Variants in GABRB1 observed in about 807,000 individuals in gnomAD.
GABRB1 encodes gamma-aminobutyric acid receptor subunit beta-1.
In GABRB1, 17 loss-of-function variants were observed where a neutral mutation model predicts 51.6. The observed-to-expected ratio is 0.33, with a 90% confidence interval of 0.23 to 0.49. GABRB1 has a LOEUF of 0.49. Among genes scored for constraint, GABRB1 ranks in the 20% least tolerant of loss-of-function variants. The pLI is 0.99. For synonymous variants in GABRB1, 247 were observed against 218.9 expected, an observed-to-expected ratio of 1.13 and a Z score of -1.14; for missense variants, 410 against 600.6, an observed-to-expected ratio of 0.68 and a Z score of 3.32.
intron 5 of GABRB1, among the ~76,000 whole-genome samples, chr4:47,341,709 G>A (rs1451733732): frequency 6.6e-6 from 1 of 151,998 alleles, no homozygotes; most frequent in East Asian, 1.9e-4. Context: ...TGTTTTTCTG[G>A]CTTAAATTCT....
intron 4 of GABRB1, among the ~76,000 whole-genome samples, chr4:47,212,289 C>T (rs1720388691): frequency 6.6e-6 from 1 of 152,126 alleles, no homozygotes; most frequent in Admixed American, 6.5e-5. Context: ...GTAGCCACAG[C>T]GGGAGGCCAC....
At chr4:47,206,314 G>T (rs1254343195) in intron 4 of GABRB1, among the ~76,000 whole-genome samples, 1 of 151,960 alleles carries the variant, frequency 6.6e-6, no homozygotes, top group Non-Finnish European at 1.5e-5. Context: ...AATAATCCTA[G>T]GAAGGAATGC....
intron 5 of GABRB1, among the ~76,000 whole-genome samples, chr4:47,350,302 G>C (rs1331553046): frequency 6.8e-6 from 1 of 147,126 alleles, no homozygotes; most frequent in Non-Finnish European, 1.5e-5. Flanking sequence ...GAGAGAGAGA[G>C]CTGGCTTTTC....
At chr4:47,313,000 A>G (rs996281602) in intron 4 of GABRB1, among the ~76,000 whole-genome samples, 5 of 152,198 alleles carry the variant, frequency 3.3e-5, no homozygotes, top group Admixed American at 1.3e-4. Flanking sequence ...CCTAAGGCCA[A>G]TGACCATGCA....
upstream of GABRB1, among the ~76,000 whole-genome samples, chr4:47,029,465 CCTT>C (rs921389178): frequency 2.0e-4 from 30 of 148,818 alleles, no homozygotes; most frequent in African/African-American, 7.1e-4. Flanking sequence ...TTTATACAAA[CCTT>C]CTGATGGTTA....
chr4:47,293,467 C>T (rs1039740624), intron 4 of GABRB1, among the ~76,000 whole-genome samples: 2 of 152,110 alleles, frequency 1.3e-5, no homozygotes, highest in Non-Finnish European at 2.9e-5. Flanking sequence ...TTAACAACTT[C>T]TCATGTGCAA....
At chr4:47,388,805 C>G (rs1727886648) in intron 5 of GABRB1, among the ~76,000 whole-genome samples, 2 of 151,766 alleles carry the variant, frequency 1.3e-5, no homozygotes, top group African/African-American at 4.8e-5. Flanking sequence ...GGACCAGAGC[C>G]TGGAGAATAA....
intron 5 of GABRB1, among the ~76,000 whole-genome samples, chr4:47,343,799 C>G (rs6833189): frequency 0.38 from 57,593 of 152,068 alleles, 11,016 homozygotes; most frequent in South Asian, 0.47. Context: ...ACCTGTACCA[C>G]GTATTCATAT....
rs193147605 is a variant in GABRB1, at chr4:47,416,909, A to G, written c.1081-8765A>G. On this transcript the variant is annotated intron_variant, in intron 8 of 8. Coordinates refer to ENST00000295454, the MANE Select transcript of GABRB1 (RefSeq NM_000812.4). ...TAAGATGCAAGAGGTGATGGTGGAA[A>G]GAACAAGGCATGGAATATACCTGCT... Among the ~76,000 whole-genome samples, 7 of 152,368 alleles carry G rather than the reference A, an allele frequency of 4.6e-5. No individual in the cohort carries two copies. The East Asian group carries it at 1.3e-3, about 29-fold the overall frequency.
At chr4:47,137,101 T>C (rs1431581022) in intron 3 of GABRB1, among the ~76,000 whole-genome samples, 2 of 152,070 alleles carry the variant, frequency 1.3e-5, no homozygotes, top group Non-Finnish European at 2.9e-5. Context: ...AGTCCTGCGC[T>C]AAAAAATGGC....
intron 3 of GABRB1, among the ~76,000 whole-genome samples, chr4:47,127,197 A>G (rs2109664655): frequency 6.6e-6 from 1 of 151,964 alleles, no homozygotes; most frequent in East Asian, 1.9e-4. Flanking sequence ...AATAATGAGA[A>G]TAGTAGACTG....
intron 5 of GABRB1, among the ~76,000 whole-genome samples, chr4:47,401,062 T>C (rs1728366225): frequency 6.6e-6 from 1 of 151,908 alleles, no homozygotes; most frequent in African/African-American, 2.4e-5. Context: ...CCATGGTGTA[T>C]ATATATGCCA....
intron 4 of GABRB1, among the ~76,000 whole-genome samples, chr4:47,199,362 C>A (rs979579163): frequency 3.3e-5 from 5 of 152,066 alleles, no homozygotes; most frequent in Non-Finnish European, 7.4e-5. Context: ...CACACAGAGG[C>A]CTTTTTGAAT....
At chr4:47,248,895 C>A (rs894734117) in intron 4 of GABRB1, among the ~76,000 whole-genome samples, 10 of 152,002 alleles carry the variant, frequency 6.6e-5, no homozygotes. Context: ...GATTTTCTCT[C>A]TTCCTTTCTT....
chr4:47,246,299 T>TAC (rs59187371), intron 4 of GABRB1, among the ~76,000 whole-genome samples: 1,765 of 84,080 alleles, frequency 0.021, 126 homozygotes, highest in African/African-American at 0.059. Context: ...TATATATATA[T>TAC]ACACACACAC....
chr4:47,236,913 T>C (rs1050732731), intron 4 of GABRB1, among the ~76,000 whole-genome samples: 4 of 152,140 alleles, frequency 2.6e-5, no homozygotes, highest in African/African-American at 4.8e-5. Context: ...TGGATTTTAA[T>C]GCATCACTAT....
At chr4:47,261,528 C>T (rs1179743700) in intron 4 of GABRB1, among the ~76,000 whole-genome samples, 1 of 152,158 alleles carries the variant, frequency 6.6e-6, no homozygotes, top group East Asian at 1.9e-4. Context: ...AACCACTGCT[C>T]AATGAAATAA....
At chr4:47,338,906 G>A (rs1725790886) in intron 5 of GABRB1, among the ~76,000 whole-genome samples, 1 of 152,074 alleles carries the variant, frequency 6.6e-6, no homozygotes, top group African/African-American at 2.4e-5. Flanking sequence ...CAGATGTGCT[G>A]GTACATTTTC....
intron 4 of GABRB1, among the ~76,000 whole-genome samples, chr4:47,181,234 G>A (rs942009271): frequency 3.3e-5 from 5 of 151,594 alleles, no homozygotes; most frequent in Admixed American, 1.3e-4. Flanking sequence ...TTTTTTGAAC[G>A]GAATCCTAGG....
Sources: gnomAD v4.1 joint callset for allele counts (sites outside exome capture counted in the v4.1 genomes callset) on GRCh38, gnomAD v4.1.1 for gene constraint, MANE v1.5 for transcripts, NCBI Gene and HGNC (gene_info 2026-07-23, HGNC 2026-07-21) for gene names.